The following NUP153 variants were observed in gnomAD, a reference collection of about 807,000 sequenced individuals.
The protein encoded by NUP153 is nuclear pore complex protein Nup153.
In NUP153, 27 loss-of-function variants were observed where a neutral mutation model predicts 134.6. The ratio of observed to expected loss-of-function variants is 0.20; its 90% confidence interval spans 0.15 to 0.28. The LOEUF is 0.28. Ranked by LOEUF, NUP153 falls within the 10% of genes least tolerant of loss-of-function variation. NUP153 has a pLI of 1.00. For synonymous variants in NUP153, 640 were observed against 623.5 expected, an observed-to-expected ratio of 1.03 and a Z score of -0.40; for missense variants, 1,821 against 1,731.3, an observed-to-expected ratio of 1.05 and a Z score of -0.92.
chr6:17,640,059 G>C lies in NUP153; in HGVS notation c.1726C>G (p.His576Asp), dbSNP rs375684502. Residue 576 changes from histidine (H) to aspartate (D), a missense_variant, in exon 15 of 22, where the codon CAT (histidine) becomes GAT (aspartate). By Grantham distance (81) the His-to-Asp change is moderately conservative (BLOSUM62 -1). Transcript: ENST00000262077. ...TTTGTACTGTTCACTGTAGTGACAT[G>C]ATGAGCTGTAATTTTTTTAAATTTA... ...LEPIISSSAH[H>D]VTTVNSTNCK... 5 of 1,553,898 alleles carry C rather than the reference G, an allele frequency of 3.2e-6. No individual in the cohort carries two copies. The highest frequency in any genetic ancestry group is 1.7e-4 in the Middle Eastern group (1 of 5,822).
intron 17 of NUP153, among the ~76,000 whole-genome samples, chr6:17,631,643 G>A (rs1482852321): frequency 1.3e-5 from 2 of 152,110 alleles, no homozygotes; most frequent in African/African-American, 4.8e-5. Context: ...TTCTCCTTGC[G>A]GGCTTACTCT....
chr6:17,675,797 A>C lies in NUP153; in HGVS notation c.335-27T>G. ...TTAAAAGAAAAGCATTAATATTATG[A>C]ATATACAACTTAGAGCGATACACTA... On this transcript the variant is annotated intron_variant, in intron 2 of 21. Transcript: ENST00000262077. The surrounding 1 kb of genome is among the most constrained non-coding windows in gnomAD (Gnocchi z 4.4). The C allele has an allele frequency of 6.2e-7, 1 of 1,603,382 alleles. No homozygotes were observed. Among genetic ancestry groups the C allele is most frequent in the Non-Finnish European group, 8.5e-7 (1 of 1,170,230 alleles).
Position 17,628,557 on chromosome 6 carries a change from A to C in NUP153, c.3544+98T>G. 1 of 567,820 alleles carries C rather than the reference A, an allele frequency of 1.8e-6. No individual in the cohort carries two copies. Among genetic ancestry groups the C allele is most frequent in the Non-Finnish European group, 2.6e-6 (1 of 388,252 alleles). 35.2% of individuals were successfully genotyped at this position (567,820 alleles called of 1,614,324 possible). On this transcript the variant is annotated intron_variant, in intron 18 of 21. Coordinates refer to ENST00000262077, the MANE Select transcript of NUP153 (RefSeq NM_005124.4). This position sits in a 1 kb window ranked among gnomAD's most constrained non-coding sequence, Gnocchi z 5.4. ...TATTTCTCAACTATGTTCAGTGTAA[A>C]CCATTAATTGACTTGCTGCATCTGT...
intron 20 of NUP153, among the ~76,000 whole-genome samples, chr6:17,617,793 C>T (rs976389660): frequency 2.2e-4 from 33 of 151,996 alleles, no homozygotes; most frequent in African/African-American, 7.5e-4. Flanking sequence ...CGCAGTGTGC[C>T]CTGACTCTGC....
chr6:17,661,685 G>A lies in NUP153; in HGVS notation c.1363C>T (p.Arg455Cys), dbSNP rs1302077414. The A allele has an allele frequency of 5.6e-6, 9 of 1,613,820 alleles. No homozygotes were observed. Among genetic ancestry groups the A allele is most frequent in the South Asian group, 1.1e-5 (1 of 91,072 alleles). The change falls in exon 11 of 22, where the codon CGC becomes TGC. Residue 455 changes from arginine to cysteine, a missense_variant. Coordinates refer to ENST00000262077, the MANE Select transcript of NUP153 (RefSeq NM_005124.4). ...GGGKMRRERT[R>C]FVASKPLEEE... is the part of the protein sequence containing the mutation. The stretch of plus-strand genomic sequence containing the variant: ...TCCAGAGGTTTAGAAGCAACAAAGC[G>A]TGTTCTTTCTCGTCTCATCTTGCCA...
rs183572377 is a variant in NUP153 at position 17,703,884 on chromosome 6, A to C, written c.111+2393T>G. 3.2e-4 allele frequency among the ~76,000 whole-genome samples: 48 copies of C among 152,362 alleles called. 3 individuals carry two copies. In the East Asian group the frequency reaches 3.3e-3, roughly 10 times the overall value. Reference sequence around the variant, plus strand: ...ATGATAAATTATCAAGATTTAAAACAAAACTACACAGCCTGAAGTCGTATC... The same window carrying C: ...ATGATAAATTATCAAGATTTAAAACCAAACTACACAGCCTGAAGTCGTATC... On this transcript the variant is annotated intron_variant, in intron 1 of 21. Coordinates refer to ENST00000262077, the MANE Select transcript of NUP153 (RefSeq NM_005124.4).
chr6:17,617,413 C>T (rs1241192606), intron 20 of NUP153, among the ~76,000 whole-genome samples: 1 of 149,162 alleles, frequency 6.7e-6, no homozygotes, highest in Non-Finnish European at 1.5e-5. Context: ...ACCAAACATA[C>T]CCAAAATGTT....
At chr6:17,701,223 C>T (rs1358429367) in intron 1 of NUP153, among the ~76,000 whole-genome samples, 2 of 135,158 alleles carry the variant, frequency 1.5e-5, no homozygotes. Context: ...GAAACTCTGT[C>T]TAAAAAAAAA....
rs1233069476 is a variant in NUP153 at position 17,628,161 on chromosome 6, AT to A, written c.3544+493del. 1.3e-5 allele frequency among the ~76,000 whole-genome samples: 2 copies of A among 152,014 alleles called. No individual in the cohort carries two copies. The highest frequency in any genetic ancestry group is 1.5e-5 in the Non-Finnish European group (1 of 67,990). On this transcript the variant is annotated intron_variant, in intron 18 of 21. Transcript: ENST00000262077. This position sits in a 1 kb window ranked among gnomAD's most constrained non-coding sequence, Gnocchi z 5.4. ...CTTTTAACCTTTAAGGTGCTATGTC[AT>A]TTTTTTCCCCAGGACTTCAGCTTTC...
At chr6:17,677,341 C>T (rs1207035442) in intron 2 of NUP153, among the ~76,000 whole-genome samples, 1 of 151,622 alleles carries the variant, frequency 6.6e-6, no homozygotes, top group Non-Finnish European at 1.5e-5. Context: ...AGTCTCTACA[C>T]ATTATCATTC....
In NUP153 at chr6:17,625,874, C is replaced by A. The variant is rs1239707258; in HGVS notation, c.3835G>T (p.Ala1279Ser). The change falls in exon 19 of 22, where the codon GCC (alanine) becomes TCC (serine). Residue 1279 changes from alanine (A) to serine (S), a missense_variant. Ala to Ser is a moderately conservative substitution (Grantham distance 99). Coordinates refer to ENST00000262077, the MANE Select transcript of NUP153 (RefSeq NM_005124.4). This position sits in a 1 kb window ranked among gnomAD's most constrained non-coding sequence, Gnocchi z 4.7. ...AVTPFVFGPGASSNNTTTSGF... is the reference protein window; with the variant it reads ...AVTPFVFGPGSSSNNTTTSGF... ...GAGGTGGTAGTATTATTACTGCTGG[C>A]TCCTGGACCAAAGACAAATGGGGTG... The A allele has an allele frequency of 6.2e-7, 1 of 1,614,092 alleles. No individual in the cohort carries two copies. Among genetic ancestry groups the A allele is most frequent in the Non-Finnish European group, 8.5e-7 (1 of 1,180,052 alleles).
rs1452809368 is a variant in NUP153 at position 17,624,727 on chromosome 6, G to A, written c.4008C>T (p.Pro1336=). 35 of 1,614,026 alleles carry A rather than the reference G, an allele frequency of 2.2e-5. No homozygotes were observed. The highest frequency in any genetic ancestry group is 3.0e-5 in the Non-Finnish European group (35 of 1,180,028). ...TFGQSQGASQ[P]NPPGFGSISS... ...ATATAGATCCAAAGCCTGGGGGATTGGGCTGGCTGGCACCTTGACTTTGTC... is the reference window on the plus strand; with the variant it reads ...ATATAGATCCAAAGCCTGGGGGATTAGGCTGGCTGGCACCTTGACTTTGTC... The change falls in exon 20 of 22, where the codon CCC becomes CCT. Residue 1336 remains proline, a synonymous_variant. Coordinates refer to ENST00000262077, the MANE Select transcript of NUP153 (RefSeq NM_005124.4).
intron 14 of NUP153, among the ~76,000 whole-genome samples, chr6:17,644,180 T>G (rs1467789571): frequency 6.6e-6 from 1 of 152,214 alleles, no homozygotes; most frequent in Non-Finnish European, 1.5e-5. Flanking sequence ...GTCCTGACTC[T>G]TTTTATTTTT....
At chr6:17,622,788 A>T (rs1297189939) in intron 20 of NUP153, among the ~76,000 whole-genome samples, 1 of 152,218 alleles carries the variant, frequency 6.6e-6, no homozygotes, top group Non-Finnish European at 1.5e-5. Context: ...AGCAATAATC[A>T]GCATTTCCAT....
In NUP153 at chr6:17,661,674, A is replaced by G. The variant is rs1427890045; in HGVS notation, c.1374T>C (p.Ala458=). 6.2e-7 allele frequency: 1 copy of G among 1,613,926 alleles called. No individual in the cohort carries two copies. Among genetic ancestry groups the G allele is most frequent in the South Asian group, 1.1e-5 (1 of 91,072 alleles). Residue 458 remains alanine, a synonymous_variant, in exon 11 of 22, where the codon GCT becomes GCC. Transcript: ENST00000262077. Reference sequence around the variant, plus strand: ...CTACCTCCTCCTCCAGAGGTTTAGAAGCAACAAAGCGTGTTCTTTCTCGTC... The same window carrying G: ...CTACCTCCTCCTCCAGAGGTTTAGAGGCAACAAAGCGTGTTCTTTCTCGTC... The part of the protein sequence containing the change: ...KMRRERTRFV[A]SKPLEEEEME...
In NUP153 at chr6:17,680,366, C is replaced by G. The variant is rs2113840121; in HGVS notation, c.335-4596G>C. On this transcript the variant is annotated intron_variant, in intron 2 of 21. Coordinates refer to ENST00000262077, the MANE Select transcript of NUP153 (RefSeq NM_005124.4). This position sits in a 1 kb window ranked among gnomAD's most constrained non-coding sequence, Gnocchi z 4.5. ...GACCACTCAATGGGAAAAGGACAGT[C>G]TCTTCATTAAATGGTTTTGGAAAAC... Among the ~76,000 whole-genome samples, 1 of 152,312 alleles carries G rather than the reference C, an allele frequency of 6.6e-6. No homozygotes were observed. The highest frequency in any genetic ancestry group is 2.1e-4 in the South Asian group (1 of 4,826).
chr6:17,699,354 G>C (rs549969032), intron 1 of NUP153, among the ~76,000 whole-genome samples: 1 of 151,652 alleles, frequency 6.6e-6, no homozygotes, highest in South Asian at 2.1e-4. Flanking sequence ...AACTTAGCCA[G>C]GAATAATGGT....
chr6:17,698,862 C>T (rs960721580), intron 1 of NUP153, among the ~76,000 whole-genome samples: 2 of 148,230 alleles, frequency 1.3e-5, no homozygotes, highest in African/African-American at 5.0e-5. Context: ...AACAGAGTGA[C>T]ACTGTCTTAA....
rs1319950360 is a variant in NUP153, at chr6:17,669,316, T to C, written c.991A>G (p.Ile331Val). The change falls in exon 7 of 22, where the codon ATT (isoleucine) becomes GTT (valine). Residue 331 changes from isoleucine (I) to valine (V), a missense_variant. By Grantham distance (29) the Ile-to-Val change is conservative. Transcript: ENST00000262077. ...ACAGAATTCAGAGGAGAAGAAACAA[T>C]GGATGGAATTCTTTTTGCATCCTGT... ...PLADAKRIPSIVSSPLNSPLD... is the reference protein window; with the variant it reads ...PLADAKRIPSVVSSPLNSPLD... The C allele has an allele frequency of 6.2e-7, 1 of 1,610,224 alleles. No homozygotes were observed. Among genetic ancestry groups the C allele is most frequent in the East Asian group, 2.2e-5 (1 of 44,858 alleles).
Sources: gnomAD v4.1 joint callset for allele counts (sites outside exome capture counted in the v4.1 genomes callset) on GRCh38, gnomAD v4.1.1 for gene constraint, Gnocchi (gnomAD v3.1) non-coding constraint, MANE v1.5 for transcripts, NCBI Gene and HGNC (gene_info 2026-07-23, HGNC 2026-07-21) for gene names.